Variants in FCHSD2 observed in about 807,000 individuals in gnomAD.
The protein encoded by FCHSD2 is F-BAR and double SH3 domains protein 2.
In FCHSD2, 38 loss-of-function variants were observed where a neutral mutation model predicts 108.1. The ratio of observed to expected loss-of-function variants is 0.35; its 90% CI spans 0.27 to 0.46. FCHSD2 has a LOEUF of 0.46. Among genes scored for constraint, FCHSD2 ranks in the 20% least tolerant of loss-of-function variants. The probability of loss-of-function intolerance (pLI) is 1.00; values close to 1 mark genes in which losing one functional copy is unlikely to be tolerated. For synonymous variants in FCHSD2, 279 were observed against 314.7 expected, an observed-to-expected ratio of 0.89 and a Z score of 1.20; for missense variants, 751 against 897.8, an observed-to-expected ratio of 0.84 and a Z score of 2.09.
intron 12 of FCHSD2, among the ~76,000 whole-genome samples, chr11:72,879,664 GAAA>G (rs1196647053): frequency 2.6e-5 from 4 of 151,962 alleles, no homozygotes; most frequent in Admixed American, 2.0e-4. Context: ...CACTATAGAG[GAAA>G]TATCCATAGG....
rs560335201 is a variant in FCHSD2, at chr11:72,886,108, A to G, written c.1146+1362T>C. On this transcript the variant is annotated intron_variant, in intron 12 of 19. Transcript: ENST00000409418. ...AGTTCTAAGGGGGTGTTAGAAAACCATTAGTTTAGTTTAAACCTAAACCAG... is the reference window on the plus strand; with the variant it reads ...AGTTCTAAGGGGGTGTTAGAAAACCGTTAGTTTAGTTTAAACCTAAACCAG... Among the ~76,000 whole-genome samples, 3 of 152,322 alleles carry G rather than the reference A, an allele frequency of 2.0e-5. No homozygotes were observed. The East Asian group carries it at 5.8e-4, about 29-fold the overall frequency.
chr11:73,079,895 T>C (rs1045094996), intron 3 of FCHSD2, among the ~76,000 whole-genome samples: 1 of 152,176 alleles, frequency 6.6e-6, no homozygotes, highest in African/African-American at 2.4e-5. Flanking sequence ...ATATGATTAC[T>C]TTATAAAAAT....
chr11:72,921,310 G>A (rs1591399904), intron 9 of FCHSD2, among the ~76,000 whole-genome samples: 1 of 152,086 alleles, frequency 6.6e-6, no homozygotes, highest in East Asian at 1.9e-4. Flanking sequence ...CATACAATGT[G>A]ACATGTCAGC....
At chr11:72,987,162 C>G (rs1346654581) in intron 6 of FCHSD2, among the ~76,000 whole-genome samples, 1 of 152,152 alleles carries the variant, frequency 6.6e-6, no homozygotes, top group Non-Finnish European at 1.5e-5. Context: ...GTGTGCATCT[C>G]CACACCATCT....
At chr11:72,879,858 G>A (rs1855043985) in intron 12 of FCHSD2, among the ~76,000 whole-genome samples, 1 of 151,842 alleles carries the variant, frequency 6.6e-6, no homozygotes, top group Non-Finnish European at 1.5e-5. Context: ...AATGGGCCAG[G>A]CTCAGTGGCT....
At chr11:73,085,665 C>T (rs1859797940) in intron 2 of FCHSD2, among the ~76,000 whole-genome samples, 1 of 151,968 alleles carries the variant, frequency 6.6e-6, no homozygotes, top group African/African-American at 2.4e-5. Context: ...TTTAACACTT[C>T]AGGCACAGCT....
intron 13 of FCHSD2, among the ~76,000 whole-genome samples, chr11:72,865,635 A>G (rs1051573470): frequency 1.3e-5 from 2 of 151,894 alleles, no homozygotes; most frequent in African/African-American, 4.8e-5. Context: ...TTCTTCAAAG[A>G]CTATCTCAAA....
In FCHSD2 at chr11:72,984,202, T is replaced by A. The variant is rs1857268510; in HGVS notation, c.591A>T (p.Arg197=). The A allele has an allele frequency of 1.9e-6, 3 of 1,613,934 alleles. No individual in the cohort carries two copies. Among genetic ancestry groups the A allele is most frequent in the Admixed American group, 3.3e-5 (2 of 60,030 alleles). Residue 197 remains arginine (R), a synonymous_variant, in exon 8 of 20, where the codon CGA becomes CGT. Transcript: ENST00000409418. ...GGGTAGCTTTGGAATTACACTCAGA[T>A]CGCCGGGCTTTTAACTAAAACATAG... ...QKASVKLKAR[R]SECNSKATHA... is the part of the protein sequence containing the mutation.
intron 8 of FCHSD2, among the ~76,000 whole-genome samples, chr11:72,959,970 T>C (rs12418733): frequency 6.6e-6 from 1 of 151,904 alleles, no homozygotes; most frequent in East Asian, 1.9e-4. Flanking sequence ...AGCACAGATA[T>C]ATAGGAAGAA....
chr11:73,013,709 T>C (rs1214932169), intron 4 of FCHSD2, among the ~76,000 whole-genome samples: 1 of 152,190 alleles, frequency 6.6e-6, no homozygotes, highest in Non-Finnish European at 1.5e-5. Flanking sequence ...ATAGTAAATA[T>C]TTTGTATATC....
chr11:73,030,252 C>T (rs936453077), intron 3 of FCHSD2, among the ~76,000 whole-genome samples: 29 of 152,150 alleles, frequency 1.9e-4, no homozygotes, highest in African/African-American at 5.5e-4. Flanking sequence ...AGACACTTAT[C>T]GGAAGATGTG....
chr11:73,002,832 T>C (rs2135419540), intron 4 of FCHSD2, among the ~76,000 whole-genome samples: 1 of 152,308 alleles, frequency 6.6e-6, no homozygotes, highest in South Asian at 2.1e-4. Flanking sequence ...TGTTAGTTGT[T>C]CTTGGTTCCA....
intron 9 of FCHSD2, among the ~76,000 whole-genome samples, chr11:72,907,645 C>T (rs1458936011): frequency 3.1e-5 from 4 of 127,686 alleles, no homozygotes; most frequent in Non-Finnish European, 6.3e-5. Context: ...GGCTTTGTCT[C>T]CCAGGCACGA....
At chr11:73,084,184 A>T (rs935948085) in intron 2 of FCHSD2, among the ~76,000 whole-genome samples, 1 of 152,244 alleles carries the variant, frequency 6.6e-6, no homozygotes. Flanking sequence ...GACTTAACCA[A>T]TGTAAGAGGG....
intron 3 of FCHSD2, among the ~76,000 whole-genome samples, chr11:73,032,727 T>TA (rs961183072): frequency 6.7e-6 from 1 of 150,052 alleles, no homozygotes. Flanking sequence ...AATTGACATC[T>TA]AAAAAAAAAG....
intron 8 of FCHSD2, among the ~76,000 whole-genome samples, chr11:72,949,398 C>T (rs186678424): frequency 3.3e-5 from 5 of 151,514 alleles, no homozygotes; most frequent in Non-Finnish European, 7.4e-5. Context: ...TACAGTGAGC[C>T]GAGATCATGC....
At chr11:72,875,023 C>G (rs1439319249) in intron 12 of FCHSD2, among the ~76,000 whole-genome samples, 1 of 152,122 alleles carries the variant, frequency 6.6e-6, no homozygotes, top group Admixed American at 6.5e-5. Context: ...AGTCAATTAC[C>G]TAGATTTTAA....
intron 8 of FCHSD2, among the ~76,000 whole-genome samples, chr11:72,964,600 G>T (rs1856870435): frequency 1.3e-5 from 2 of 152,186 alleles, no homozygotes; most frequent in South Asian, 4.1e-4. Flanking sequence ...CTCTCTTCAT[G>T]TTAACTTCTA....
chr11:73,032,271 C>T (rs929210080), intron 3 of FCHSD2, among the ~76,000 whole-genome samples: 8 of 152,014 alleles, frequency 5.3e-5, no homozygotes, highest in African/African-American at 1.2e-4. Flanking sequence ...CTCTGTTGCC[C>T]GGGCTGGAGT....
Sources: gnomAD v4.1 joint callset for allele counts (sites outside exome capture counted in the v4.1 genomes callset) on GRCh38, gnomAD v4.1.1 for gene constraint, MANE v1.5 for transcripts, NCBI Gene and HGNC (gene_info 2026-07-23, HGNC 2026-07-21) for gene names.